The following NRG3 variants were observed in gnomAD, a reference collection of about 807,000 sequenced individuals.
NRG3 encodes neuregulin 3.
Under a neutral mutation model 66.9 loss-of-function variants are expected in NRG3, and 31 were observed. The ratio of observed to expected loss-of-function variants is 0.46; its 90% CI spans 0.35 to 0.63. The LOEUF is 0.63. Ranked by LOEUF, NRG3 falls within the 20% of genes least tolerant of loss-of-function variation. The pLI is 0.00. For synonymous variants in NRG3, 393 were observed against 359.4 expected (o/e 1.09, Z -1.06); for missense variants, 910 against 878.9 (o/e 1.04, Z -0.45).
chr10:82,932,310 A>G (rs1190534640), intron 4 of NRG3, among the ~76,000 whole-genome samples: 2 of 152,256 alleles, frequency 1.3e-5, no homozygotes, highest in South Asian at 2.1e-4. Flanking sequence ...CAGCAACAAT[A>G]CAAATTGAGT....
At chr10:82,536,915 G>A (rs1284193028) in intron 2 of NRG3, among the ~76,000 whole-genome samples, 3 of 151,394 alleles carry the variant, frequency 2.0e-5, no homozygotes, top group South Asian at 4.2e-4. Context: ...ACTAAATGAA[G>A]AATGAGGATT....
At chr10:82,188,635 G>A (rs12413171) in intron 1 of NRG3, among the ~76,000 whole-genome samples, 12,820 of 152,034 alleles carry the variant, frequency 0.084, 831 homozygotes, top group East Asian at 0.21. Flanking sequence ...GTCAAAAAAT[G>A]GGCAAAAGAT....
intron 1 of NRG3, among the ~76,000 whole-genome samples, chr10:82,273,281 T>A (rs1478283561): frequency 1.3e-5 from 2 of 152,020 alleles, no homozygotes; most frequent in Admixed American, 6.6e-5. Flanking sequence ...ATTGAGCACA[T>A]TCGCTGAAGC....
At chr10:82,232,444 T>C in intron 1 of NRG3, 1 of 266,856 alleles carries the variant, frequency 3.7e-6, no homozygotes. Context: ...GATACCCTCC[T>C]GACATCCCCA....
intron 1 of NRG3, among the ~76,000 whole-genome samples, chr10:81,941,816 C>G (rs1051031672): frequency 6.6e-6 from 1 of 152,062 alleles, no homozygotes; most frequent in African/African-American, 2.4e-5. Flanking sequence ...GTGGGTCAAA[C>G]TTTGGGATAT....
intron 1 of NRG3, among the ~76,000 whole-genome samples, chr10:82,134,016 T>C (rs1276271223): frequency 6.6e-6 from 1 of 152,206 alleles, no homozygotes; most frequent in Non-Finnish European, 1.5e-5. Flanking sequence ...TAATGATCAC[T>C]GATATTGTGC....
intron 1 of NRG3, among the ~76,000 whole-genome samples, chr10:82,228,543 T>C (rs1239035519): frequency 2.0e-5 from 3 of 152,064 alleles, no homozygotes; most frequent in Non-Finnish European, 4.4e-5. Context: ...TTTTTTTTTA[T>C]TGGGGATAGT....
chr10:81,990,822 T>C (rs994348031), intron 1 of NRG3, among the ~76,000 whole-genome samples: 1 of 152,112 alleles, frequency 6.6e-6, no homozygotes, highest in Non-Finnish European at 1.5e-5. Context: ...TCAAGGTAAC[T>C]TTTTCCTCTT....
At chr10:82,786,749 G>T (rs956736776) in intron 3 of NRG3, among the ~76,000 whole-genome samples, 49 of 152,172 alleles carry the variant, frequency 3.2e-4, no homozygotes, top group African/African-American at 1.0e-3. Context: ...TAAATGCAAA[G>T]GTGTTGAGAA....
chr10:81,953,218 C>T (rs1849539052), intron 1 of NRG3, among the ~76,000 whole-genome samples: 1 of 152,178 alleles, frequency 6.6e-6, no homozygotes, highest in Non-Finnish European at 1.5e-5. Context: ...TGTCTCCATT[C>T]TTGAAGATCC....
At chr10:82,875,243 T>C (rs1385133130) in intron 4 of NRG3, among the ~76,000 whole-genome samples, 1 of 152,216 alleles carries the variant, frequency 6.6e-6, no homozygotes, top group Non-Finnish European at 1.5e-5. Flanking sequence ...CCAAATTAAA[T>C]CATGATTTGA....
intron 2 of NRG3, among the ~76,000 whole-genome samples, chr10:82,521,521 T>TA (rs1846177668): frequency 6.6e-6 from 1 of 152,054 alleles, no homozygotes; most frequent in South Asian, 2.1e-4. Context: ...TTTGTATTTT[T>TA]AGTAGAGAAG....
At chr10:82,854,160 A>G (rs1217836805) in intron 3 of NRG3, among the ~76,000 whole-genome samples, 1 of 152,240 alleles carries the variant, frequency 6.6e-6, no homozygotes, top group Non-Finnish European at 1.5e-5. Flanking sequence ...GCTACTAGTT[A>G]TAATCCAAGG....
chr10:82,098,593 C>T (rs536637639), intron 1 of NRG3, among the ~76,000 whole-genome samples: 35 of 152,178 alleles, frequency 2.3e-4, no homozygotes, highest in Admixed American at 2.0e-3. Context: ...CAAATAGAGC[C>T]CCTGCTCAAG....
At chr10:82,068,754 A>AT (rs2064636663) in intron 1 of NRG3, among the ~76,000 whole-genome samples, 1 of 152,230 alleles carries the variant, frequency 6.6e-6, no homozygotes, top group South Asian at 2.1e-4. Flanking sequence ...AAATGAGGTC[A>AT]TTTAAGTGGC....
chr10:82,967,944 T>A (rs1357780857), intron 6 of NRG3, among the ~76,000 whole-genome samples: 1 of 152,178 alleles, frequency 6.6e-6, no homozygotes, highest in African/African-American at 2.4e-5. Context: ...CCAAATTACT[T>A]CTTAAACATT....
intron 4 of NRG3, among the ~76,000 whole-genome samples, chr10:82,919,075 GTGTGTGTGTGTGTGTGTGTGTGTGTA>G (rs1252148469): frequency 6.8e-6 from 1 of 148,030 alleles, no homozygotes; most frequent in African/African-American, 2.6e-5. Context: ...GTGTGTGTGT[GTGTGTGTGTGTGTGTGTGTGTGTGTA>G]TGTGTGTGTG....
intron 2 of NRG3, among the ~76,000 whole-genome samples, chr10:82,723,120 C>A (rs1591313306): frequency 6.6e-6 from 1 of 152,268 alleles, no homozygotes; most frequent in East Asian, 1.9e-4. Flanking sequence ...TAATATACAT[C>A]ATGGAATACT....
chr10:81,882,725 T>C (rs1417361316), intron 1 of NRG3, among the ~76,000 whole-genome samples: 1 of 152,202 alleles, frequency 6.6e-6, no homozygotes, highest in Non-Finnish European at 1.5e-5. Flanking sequence ...ATATTGGAGC[T>C]GGTTTGTTAC....
Sources: gnomAD v4.1 joint callset for allele counts (sites outside exome capture counted in the v4.1 genomes callset) on GRCh38, gnomAD v4.1.1 for gene constraint, MANE v1.5 for transcripts, NCBI Gene and HGNC (gene_info 2026-07-23, HGNC 2026-07-21) for gene names.